The following PKHD1 variants were observed in gnomAD, a reference collection of about 807,000 sequenced individuals.
The protein encoded by PKHD1 is fibrocystin.
Under a neutral mutation model 412.0 loss-of-function variants are expected in PKHD1, and 291 were observed. The observed-to-expected ratio is 0.71, with a 90% CI of 0.64 to 0.78. The LOEUF (loss-of-function observed/expected upper bound fraction) is 0.78. Among genes scored for constraint, PKHD1 ranks in the 30% least tolerant of loss-of-function variants. The pLI is 0.00. For missense variants in PKHD1, 4,825 were observed against 4,950.7 expected (o/e 0.97, Z 0.76); for synonymous variants, 1,777 against 1,821.5 (o/e 0.98, Z 0.62).
chr6:52,028,483 T>C, intron 29 of PKHD1, 132 bp from the exon 30 acceptor site: 2 of 819,808 alleles, frequency 2.4e-6, no homozygotes, highest in Admixed American at 2.4e-5. Flanking sequence ...AGAGTTACGA[T>C]ACCAACCTAA....
intron 15 of PKHD1, 74 bp downstream of exon 15, chr6:52,059,854 A>G (rs1808407508): frequency 1.3e-6 from 1 of 800,002 alleles, no homozygotes; most frequent in African/African-American, 1.7e-5. Flanking sequence ...TGAGAGCCTT[A>G]ACTTTGATTC....
intron 36 of PKHD1, among the ~76,000 whole-genome samples, chr6:51,942,989 G>A (rs1052295405): frequency 1.3e-5 from 2 of 151,524 alleles, no homozygotes; most frequent in African/African-American, 4.8e-5. Context: ...TCTTGGTCTA[G>A]GTAGACACTT....
chr6:51,904,331 C>G (rs1781743282), intron 41 of PKHD1, among the ~76,000 whole-genome samples: 1 of 152,108 alleles, frequency 6.6e-6, no homozygotes, highest in Non-Finnish European at 1.5e-5. Flanking sequence ...GTGTCAACAC[C>G]AACCCCATTC....
At chr6:51,927,561 G>C (rs926489868) in intron 37 of PKHD1, among the ~76,000 whole-genome samples, 1 of 152,122 alleles carries the variant, frequency 6.6e-6, no homozygotes, top group Non-Finnish European at 1.5e-5. Flanking sequence ...CCTATAGAGC[G>C]AGGTGTGAAA....
At chr6:51,704,043 C>G (rs1311749834) in intron 60 of PKHD1, among the ~76,000 whole-genome samples, 1 of 152,014 alleles carries the variant, frequency 6.6e-6, no homozygotes, top group Non-Finnish European at 1.5e-5. Flanking sequence ...ACAGGAGGCA[C>G]TAATGAGATC....
chr6:51,950,721 A>G (rs1220387412), intron 36 of PKHD1, among the ~76,000 whole-genome samples: 1 of 152,156 alleles, frequency 6.6e-6, no homozygotes, highest in African/African-American at 2.4e-5. Flanking sequence ...TAGGCTGGTG[A>G]TGTTTGGCAT....
chr6:51,900,495 C>G (rs1479055995), intron 43 of PKHD1, among the ~76,000 whole-genome samples: 2 of 152,204 alleles, frequency 1.3e-5, no homozygotes, highest in African/African-American at 4.8e-5. Flanking sequence ...TGGATCACTT[C>G]CTTACACCTT....
rs897671588 is a variant in PKHD1 at position 51,748,081 on chromosome 6, G to C, written c.9535C>G (p.Leu3179Val). 2 of 1,613,786 alleles carry C rather than the reference G, an allele frequency of 1.2e-6. No individual in the cohort carries two copies. The highest frequency in any genetic ancestry group is 1.7e-6 in the Non-Finnish European group (2 of 1,179,826). Residue 3179 changes from leucine (L) to valine (V), a missense_variant, in exon 58 of 67, where the codon CTT becomes GTT. Coordinates refer to ENST00000371117, the MANE Select transcript of PKHD1 (RefSeq NM_138694.4). ...NITLVDNTIG[L>V]LAVVYVFSAP... ...GAAAATACATACACTACTGCCAAAA[G>C]ACCAATAGTATTGTCTACCAGAGTA...
chr6:51,986,959 A>G (rs1014507778), intron 35 of PKHD1, among the ~76,000 whole-genome samples: 30 of 152,244 alleles, frequency 2.0e-4, no homozygotes, highest in African/African-American at 7.0e-4. Context: ...GGAAACAAGT[A>G]TAATAGCCGA....
intron 60 of PKHD1, chr6:51,740,078 C>A (rs1332843576): frequency 1.4e-5 from 7 of 513,390 alleles, no homozygotes; most frequent in Non-Finnish European, 1.9e-5. Flanking sequence ...GAAATCCTTT[C>A]GAGAATAAAA....
rs138882640 is a variant in PKHD1 at position 51,762,577 on chromosome 6, T to C, written c.8643-7639A>G. The stretch of plus-strand genomic sequence containing the variant: ...ATCTTGCTAAGCTTACTTTGGTTGA[T>C]TGTGTAAGATACAAGCTTATAAAGT... On this transcript the variant is annotated intron_variant, in intron 55 of 66. Transcript: ENST00000371117. Among the ~76,000 whole-genome samples, 79 of 152,112 alleles carry C rather than the reference T, an allele frequency of 5.2e-4. No individual in the cohort carries two copies. The East Asian group carries it at 0.014, about 28-fold the overall frequency.
chr6:51,902,006 G>T (rs1781379863), intron 43 of PKHD1, among the ~76,000 whole-genome samples: 1 of 152,180 alleles, frequency 6.6e-6, no homozygotes, highest in African/African-American at 2.4e-5. Flanking sequence ...TGCACCTGCA[G>T]CCAGCTCAAC....
chr6:51,988,593 G>C (rs1433451378), intron 35 of PKHD1, among the ~76,000 whole-genome samples: 2 of 152,130 alleles, frequency 1.3e-5, no homozygotes, highest in Non-Finnish European at 2.9e-5. Flanking sequence ...CCACATTACA[G>C]CCAACTACCA....
intron 65 of PKHD1, among the ~76,000 whole-genome samples, chr6:51,631,533 G>C (rs1054472194): frequency 6.6e-6 from 1 of 152,066 alleles, no homozygotes; most frequent in Admixed American, 6.6e-5. Context: ...CCTTTATTTT[G>C]ACTTTTTTCT....
At chr6:51,739,113 ATAT>A (rs1043170718) in intron 60 of PKHD1, among the ~76,000 whole-genome samples, 2 of 146,534 alleles carry the variant, frequency 1.4e-5, no homozygotes, top group African/African-American at 5.0e-5. Flanking sequence ...ATATATTTAT[ATAT>A]TTTTTTACAT....
At chr6:51,903,219 A>C (rs575656987) in intron 43 of PKHD1, among the ~76,000 whole-genome samples, 168 of 152,288 alleles carry the variant, frequency 1.1e-3, no homozygotes, top group Middle Eastern at 0.01. Context: ...CAAAATTATA[A>C]ATTATTTTCT....
chr6:52,048,638 A>G lies in PKHD1; in HGVS notation c.2280-19T>C. On this transcript the variant is annotated intron_variant, in intron 22 of 66. Transcript: ENST00000371117. ...CACAGAGCTGTGGCACGTCAGAAAC[A>G]AAGTATTAACGTCTGGGTTGGGGTG... 2.5e-6 allele frequency: 4 copies of G among 1,613,874 alleles called. No homozygotes were observed. The highest frequency in any genetic ancestry group is 3.4e-6 in the Non-Finnish European group (4 of 1,179,948).
chr6:51,851,818 C>A (rs193290279), intron 49 of PKHD1, among the ~76,000 whole-genome samples: 1 of 147,790 alleles, frequency 6.8e-6, no homozygotes, highest in African/African-American at 2.4e-5. Context: ...ATCTAGCTAG[C>A]GGTCTATCTA....
At chr6:51,829,966 A>G (rs544582142) in intron 52 of PKHD1, among the ~76,000 whole-genome samples, 2 of 152,286 alleles carry the variant, frequency 1.3e-5, no homozygotes, top group African/African-American at 4.8e-5. Context: ...GGGGATAATA[A>G]TATTACTTAT....
Sources: gnomAD v4.1 joint callset for allele counts (sites outside exome capture counted in the v4.1 genomes callset) on GRCh38, gnomAD v4.1.1 for gene constraint, MANE v1.5 for transcripts, NCBI Gene and HGNC (gene_info 2026-07-23, HGNC 2026-07-21) for gene names.